ARG1: variants seen among roughly 807,000 people sequenced by gnomAD.
The protein encoded by ARG1 is arginase 1, also known as arginase-1.
In ARG1, 20 loss-of-function variants were observed where a neutral mutation model predicts 33.0. The observed-to-expected ratio is 0.61, with a 90% CI of 0.43 to 0.88. ARG1 has a LOEUF of 0.88. Ranked by LOEUF, ARG1 falls within the 40% of genes least tolerant of loss-of-function variation. The pLI is 0.00. For synonymous variants in ARG1, 146 were observed against 140.6 expected, an observed-to-expected ratio of 1.04 and a Z score of -0.27; for missense variants, 374 against 384.7, an observed-to-expected ratio of 0.97 and a Z score of 0.23.
chr6:131,575,099 G>A (rs1773551455), intron 1 of ARG1, among the ~76,000 whole-genome samples: 1 of 152,192 alleles, frequency 6.6e-6, no homozygotes. Context: ...GCCCAATCAT[G>A]AGAAGCCATT....
rs370289649 is a variant in ARG1, at chr6:131,582,677, T to C, written c.522T>C (p.Ile174=). Residue 174 remains isoleucine, a synonymous_variant, in exon 5 of 8, where the codon ATT becomes ATC. Coordinates refer to ENST00000368087, the MANE Select transcript of ARG1 (RefSeq NM_000045.4). ...CTCCCTGTATATCTGCCAAGGATAT[T>C]GTGTATATTGGCTTGAGAGACGTGG... ...WVTPCISAKD[I]VYIGLRDVDP... The C allele has an allele frequency of 2.2e-5, 36 of 1,613,736 alleles. No homozygotes were observed. Among genetic ancestry groups the C allele is most frequent in the Non-Finnish European group, 2.7e-5 (32 of 1,179,830 alleles).
chr6:131,578,794 C>G (rs1025401504), intron 2 of ARG1, among the ~76,000 whole-genome samples: 1 of 152,066 alleles, frequency 6.6e-6, no homozygotes, highest in Non-Finnish European at 1.5e-5. Context: ...GAGACAGAGA[C>G]AGAGACAGTG....
At position 131,583,350 on chromosome 6, in the gene ARG1, A is replaced by AAAAG; in HGVS notation, c.669_672dup. On this transcript the variant is annotated splice_region_variant and splice_polypyrimidine_tract_variant and intron_variant, in intron 6 of 7. Coordinates refer to ENST00000368087, the MANE Select transcript of ARG1 (RefSeq NM_000045.4). ...AAACTGAAATCCTTTCCCACTTCTT[A>AAAAG]AAAGAAAGAAAAGGCCAATTCATCT... 6.2e-7 allele frequency: 1 copy of AAAAG among 1,614,166 alleles called. No individual in the cohort carries two copies. The highest frequency in any genetic ancestry group is 8.5e-7 in the Non-Finnish European group (1 of 1,179,988).
At position 131,576,686 on chromosome 6, in the gene ARG1, C is replaced by T. The variant is rs2114519204; in HGVS notation, c.81C>T (p.Gly27=). ...KGQPRGGVEE[G]PTVLRKAGLL... is the part of the protein sequence containing the mutation. ...AGCCACGAGGAGGGGTGGAAGAAGG[C>T]CCTACAGTATTGAGAAAGGCTGGTC... Residue 27 remains glycine (G), a synonymous_variant, in exon 2 of 8, where the codon GGC becomes GGT. Coordinates refer to ENST00000368087, the MANE Select transcript of ARG1 (RefSeq NM_000045.4). 7.4e-6 allele frequency: 12 copies of T among 1,613,928 alleles called. No individual in the cohort carries two copies. Among genetic ancestry groups the T allele is most frequent in the Non-Finnish European group, 1.0e-5 (12 of 1,179,942 alleles).
intron 3 of ARG1, 91 bp from the exon 4 acceptor site, chr6:131,581,128 A>C: frequency 6.6e-6 from 9 of 1,358,098 alleles, no homozygotes; most frequent in Non-Finnish European, 9.4e-6. Flanking sequence ...TGTGACTCAA[A>C]GGAAAACCAA....
At chr6:131,583,614 C>A in intron 7 of ARG1, 123 bp downstream of exon 7, 1 of 1,509,534 alleles carries the variant, frequency 6.6e-7, no homozygotes, top group Non-Finnish European at 9.1e-7. Flanking sequence ...TCACATGATG[C>A]AATAACTAAA....
intron 2 of ARG1, among the ~76,000 whole-genome samples, chr6:131,577,026 G>A (rs1179731930): frequency 6.6e-6 from 1 of 152,020 alleles, no homozygotes; most frequent in Non-Finnish European, 1.5e-5. Flanking sequence ...GGAGCCGGGG[G>A]AACAGCAAAT....
At chr6:131,581,132 A>G (rs1773898728) in intron 3 of ARG1, 87 bp from the exon 4 acceptor site, 1 of 1,398,828 alleles carries the variant, frequency 7.1e-7, no homozygotes, top group African/African-American at 1.4e-5. Context: ...ACTCAAAGGA[A>G]AACCAAGTGG....
intron 1 of ARG1, among the ~76,000 whole-genome samples, chr6:131,574,527 T>C (rs1292132780): frequency 6.6e-6 from 1 of 152,202 alleles, no homozygotes; most frequent in Non-Finnish European, 1.5e-5. Flanking sequence ...GCAAGTGTCC[T>C]CCTTCTACCA....
chr6:131,578,078 G>A (rs1026531805), intron 2 of ARG1, among the ~76,000 whole-genome samples: 26 of 151,806 alleles, frequency 1.7e-4, no homozygotes, highest in African/African-American at 5.3e-4. Flanking sequence ...CTGGGGTTGG[G>A]GGCAAGAATT....
Position 131,584,080 on chromosome 6 carries a change from TCTAA to T in ARG1, c.*175_*178del, listed in dbSNP as rs1774080314. ...GGTGTAAAATTCAAGATGTGGAAAT[TCTAA>T]CTTTTTTGAAATTTAAAAGCTTATA... On this transcript the variant is annotated 3_prime_UTR_variant, in exon 8 of 8. Transcript: ENST00000368087. The T allele has an allele frequency of 2.6e-6, 2 of 768,576 alleles. No individual in the cohort carries two copies. The highest frequency in any genetic ancestry group is 2.0e-6 in the Non-Finnish European group (1 of 497,032). 47.6% of individuals were successfully genotyped at this position (768,576 alleles called of 1,614,324 possible).
Position 131,583,859 on chromosome 6 carries a change from C to T in ARG1, c.920C>T (p.Ala307Val), listed in dbSNP as rs774505525. The T allele has an allele frequency of 6.2e-7, 1 of 1,614,126 alleles. No individual in the cohort carries two copies. The change falls in exon 8 of 8, where the codon GCT becomes GTT. Residue 307 changes from alanine to valine, a missense_variant. Transcript: ENST00000368087. ...VAITLACFGL[A>V]REGNHKPIDY... ...ATAACCTTGGCTTGTTTCGGACTTG[C>T]TCGGGAGGGTAATCACAAGCCTATT...
chr6:131,578,382 G>A (rs935398953), intron 2 of ARG1, among the ~76,000 whole-genome samples: 14 of 152,124 alleles, frequency 9.2e-5, no homozygotes, highest in African/African-American at 2.9e-4. Context: ...TCAGAACACC[G>A]AACTGAATCA....
intron 3 of ARG1, 150 bp downstream of exon 3, chr6:131,579,435 C>A: frequency 2.5e-6 from 2 of 798,092 alleles, no homozygotes. Flanking sequence ...TTATAGGTTA[C>A]TTTTATTATA....
intron 2 of ARG1, among the ~76,000 whole-genome samples, chr6:131,577,992 G>A (rs573949873): frequency 6.6e-6 from 1 of 151,118 alleles, no homozygotes; most frequent in African/African-American, 2.4e-5. Context: ...AGACAAGAAA[G>A]ACTACATGTA....
intron 4 of ARG1, 76 bp downstream of exon 4, chr6:131,581,454 A>C (rs2114540477): frequency 1.4e-6 from 2 of 1,433,048 alleles, no homozygotes; most frequent in Non-Finnish European, 1.9e-6. Flanking sequence ...GGAAATGAGA[A>C]ACTCCATGTT....
chr6:131,576,911 A>C (rs1015694190), intron 2 of ARG1, among the ~76,000 whole-genome samples, 176 bp downstream of exon 2: 1 of 152,154 alleles, frequency 6.6e-6, no homozygotes. Flanking sequence ...TGCTCAGGAA[A>C]CATTGCTGGA....
rs946323935 is a variant in ARG1 at position 131,581,330 on chromosome 6, C to G, written c.417C>G (p.Asn139Lys). 1.2e-6 allele frequency: 2 copies of G among 1,613,852 alleles called. No homozygotes were observed. The change falls in exon 4 of 8, where the codon AAC (asparagine) becomes AAG (lysine). Residue 139 changes from asparagine (N) to lysine (K), a missense_variant. Asn to Lys is a moderately conservative substitution (Grantham distance 94). Coordinates refer to ENST00000368087, the MANE Select transcript of ARG1 (RefSeq NM_000045.4). ...INTPLTTTSG[N>K]LHGQPVSFLL... Reference sequence around the variant, plus strand: ...CTCCACTGACAACCACAAGTGGAAACTTGCATGGACAACCTGTATCTTTCC... The same window carrying G: ...CTCCACTGACAACCACAAGTGGAAAGTTGCATGGACAACCTGTATCTTTCC...
Position 131,573,329 on chromosome 6 carries a change from C to T in ARG1, c.47C>T (p.Ser16Leu). 1 of 1,613,990 alleles carries T rather than the reference C, an allele frequency of 6.2e-7. No individual in the cohort carries two copies. The highest frequency in any genetic ancestry group is 8.5e-7 in the Non-Finnish European group (1 of 1,179,962). ...RTIGIIGAPFSKGQPRGGVEE... is the reference protein window; with the variant it reads ...RTIGIIGAPFLKGQPRGGVEE... ...ATAGGGATTATTGGAGCTCCTTTCT[C>T]AAAGGGACAGGTAAGGAAAAAAGTC... is the stretch of plus-strand genomic sequence containing the variant. The change falls in exon 1 of 8, where the codon TCA becomes TTA. Residue 16 changes from serine to leucine, a missense_variant. Transcript: ENST00000368087.
Sources: gnomAD v4.1 joint callset for allele counts (sites outside exome capture counted in the v4.1 genomes callset) on GRCh38, gnomAD v4.1.1 for gene constraint, MANE v1.5 for transcripts, NCBI Gene and HGNC (gene_info 2026-07-23, HGNC 2026-07-21) for gene names.